NAP1L1: variants seen among roughly 807,000 people sequenced by gnomAD.
The protein encoded by NAP1L1 is nucleosome assembly protein 1-like 1.
In NAP1L1, 9 loss-of-function variants were observed where a neutral mutation model predicts 58.9. That is an observed-to-expected ratio of 0.15 (90% CI 0.09 to 0.27). The LOEUF is 0.27. Ranked by LOEUF, NAP1L1 falls within the 10% of genes least tolerant of loss-of-function variation. The pLI, the probability that NAP1L1 is intolerant of heterozygous loss-of-function variation, is 1.00. For synonymous variants in NAP1L1, 130 were observed against 138.3 expected, an observed-to-expected ratio of 0.94 and a Z score of 0.42; for missense variants, 302 against 458.8, an observed-to-expected ratio of 0.66 and a Z score of 3.12.
intron 4 of NAP1L1, among the ~76,000 whole-genome samples, chr12:76,065,243 T>G (rs562845003): frequency 6.6e-6 from 1 of 151,520 alleles, no homozygotes; most frequent in South Asian, 2.1e-4. Flanking sequence ...ATTGATACAG[T>G]TAAAAAAAAA....
At chr12:76,052,051 C>CTTCTATGATACTAAACAATGATACAAG in intron 11 of NAP1L1, among the ~76,000 whole-genome samples, 1 of 151,788 alleles carries the variant, frequency 6.6e-6, no homozygotes, top group East Asian at 1.9e-4. Flanking sequence ...AATAATCCCA[C>CTTCTATGATACTAAACAATGATACAAG]TTCTATGATA....
intron 11 of NAP1L1, among the ~76,000 whole-genome samples, chr12:76,051,002 GAA>G (rs57970257): frequency 1.3e-4 from 11 of 83,722 alleles, no homozygotes; most frequent in Non-Finnish European, 2.3e-4. Context: ...CTGGGCAACC[GAA>G]AAAAAAAAAA....
chr12:76,071,960 G>GA (rs59750917), intron 2 of NAP1L1, among the ~76,000 whole-genome samples: 21 of 144,732 alleles, frequency 1.5e-4, no homozygotes, highest in Non-Finnish European at 1.7e-4. Flanking sequence ...GACTAGCCCA[G>GA]AAAAAAAAAA....
At chr12:76,058,189 G>C in intron 6 of NAP1L1, 1 of 374,750 alleles carries the variant, frequency 2.7e-6, no homozygotes, top group Non-Finnish European at 4.8e-6. Context: ...AGGGAGAGAG[G>C]CCTACATATA....
In NAP1L1 at chr12:76,044,373, G is replaced by A. The variant is rs773835256; in HGVS notation, c.*4056C>T. The A allele has an allele frequency of 1.1e-4, 17 of 152,056 alleles. No homozygotes were observed. Among genetic ancestry groups the A allele is most frequent in the Non-Finnish European group, 2.2e-4 (15 of 68,022 alleles). 9.4% of individuals were successfully genotyped at this position (152,056 alleles called of 1,614,324 possible). On this transcript the variant is annotated 3_prime_UTR_variant, in exon 15 of 15. Coordinates refer to ENST00000618691, the MANE Select transcript of NAP1L1 (RefSeq NM_004537.7). ...TGCTTTTATGTAATATTTTATCCTG[G>A]GTTTCAAAATAATAAAACTCAGTTT...
chr12:76,056,685 T>TAA (rs34298638), intron 6 of NAP1L1: 12 of 421,406 alleles, frequency 2.8e-5, no homozygotes, highest in Admixed American at 5.7e-5. Context: ...ACCATGAAGT[T>TAA]AAAAAAAAAA....
rs937066461 is a variant in NAP1L1, at chr12:76,040,892, C to A, written c.*7537G>T. 2.6e-5 allele frequency: 4 copies of A among 152,206 alleles called. No individual in the cohort carries two copies. Among genetic ancestry groups the A allele is most frequent in the Admixed American group, 2.6e-4 (4 of 15,282 alleles). 9.4% of individuals were successfully genotyped at this position (152,206 alleles called of 1,614,324 possible). A position where few individuals can be genotyped will look rare whatever the true frequency, so the allele number is the denominator to read the frequency against. On this transcript the variant is annotated 3_prime_UTR_variant, in exon 15 of 15. Transcript: ENST00000618691. ...TATATTTCCGATTGCTTAACATTTT[C>A]TCTAGCTTACTTTTTACAGTATATA...
At chr12:76,078,330 T>C (rs1950276978) in intron 1 of NAP1L1, among the ~76,000 whole-genome samples, 1 of 152,118 alleles carries the variant, frequency 6.6e-6, no homozygotes, top group Admixed American at 6.5e-5. Flanking sequence ...CTCATCTGTA[T>C]TGCCCTCCAA....
chr12:76,076,175 T>C (rs1950162100), intron 1 of NAP1L1, among the ~76,000 whole-genome samples: 1 of 152,170 alleles, frequency 6.6e-6, no homozygotes, highest in Non-Finnish European at 1.5e-5. Flanking sequence ...TTTCAAAGTT[T>C]CACTCCCCAG....
At chr12:76,064,312 T>G (rs1473660581) in intron 4 of NAP1L1, among the ~76,000 whole-genome samples, 1 of 152,090 alleles carries the variant, frequency 6.6e-6, no homozygotes, top group Non-Finnish European at 1.5e-5. Flanking sequence ...TATTTCAATC[T>G]ACAAATGACA....
intron 4 of NAP1L1, among the ~76,000 whole-genome samples, chr12:76,063,115 T>C (rs1045896494): frequency 2.0e-5 from 3 of 152,178 alleles, no homozygotes; most frequent in African/African-American, 7.2e-5. Flanking sequence ...TCACTATATA[T>C]TACTAAAAGC....
rs11180820 is a variant in NAP1L1, at chr12:76,073,485, C to T, written c.17+718G>A. Among the ~76,000 whole-genome samples, 55 of 101,844 alleles carry T rather than the reference C, an allele frequency of 5.4e-4. No individual in the cohort carries two copies. In the East Asian group the frequency reaches 0.02, roughly 38 times the overall value. The allele number at this position is 101,844 out of a possible 152,430, so 66.8% of individuals were successfully genotyped here. ...CCAGGACACATGACCTTGCCCAATA[C>T]TTCTCCACAATAAGTCTTTTATAAA... On this transcript the variant is annotated intron_variant, in intron 2 of 14. Transcript: ENST00000618691.
intron 1 of NAP1L1, among the ~76,000 whole-genome samples, chr12:76,080,890 A>C (rs957938012): frequency 6.6e-6 from 1 of 152,114 alleles, no homozygotes; most frequent in African/African-American, 2.4e-5. Context: ...GTATTTCTTT[A>C]TAAATTACCC....
At chr12:76,050,834 T>A (rs1036672658) in intron 11 of NAP1L1, among the ~76,000 whole-genome samples, 181 bp from the exon 12 acceptor site, 3 of 151,930 alleles carry the variant, frequency 2.0e-5, no homozygotes, top group African/African-American at 7.3e-5. Flanking sequence ...AGCAACATAG[T>A]GAGACGCCCC....
In NAP1L1 at chr12:76,058,284, A is replaced by G. The variant is rs186281105; in HGVS notation, c.429+1514T>C. 9.1e-3 allele frequency among the ~76,000 whole-genome samples: 1,364 copies of G among 150,396 alleles called. 19 individuals are homozygous for G. The highest frequency in any genetic ancestry group is 0.031 in the African/African-American group (1,261 of 40,630). On this transcript the variant is annotated intron_variant, in intron 6 of 14. Transcript: ENST00000618691. ...CTTGGCATTTTCCCTGTTCTGTACAAGGCTGCTTATTTTTTTATTGCCAAA... is the reference window on the plus strand; with the variant it reads ...CTTGGCATTTTCCCTGTTCTGTACAGGGCTGCTTATTTTTTTATTGCCAAA...
chr12:76,041,919 T>A lies in NAP1L1; in HGVS notation c.*6510A>T, dbSNP rs1948554827. ...AAATATATAGCGATACCTCATTTCG[T>A]TTTACCCTAGATCATTTCTGGGTTC... On this transcript the variant is annotated 3_prime_UTR_variant, in exon 15 of 15. Coordinates refer to ENST00000618691, the MANE Select transcript of NAP1L1 (RefSeq NM_004537.7). The A allele has an allele frequency of 6.6e-6, 1 of 152,156 alleles. No individual in the cohort carries two copies. Among genetic ancestry groups the A allele is most frequent in the African/African-American group, 2.4e-5 (1 of 41,426 alleles). The allele number at this position is 152,156 out of a possible 1,614,324, so 9.4% of individuals were successfully genotyped here. A position where few individuals can be genotyped will look rare whatever the true frequency, so the allele number is the denominator to read the frequency against.
chr12:76,074,003 C>T (rs1241268328), intron 2 of NAP1L1, 200 bp downstream of exon 2: 3 of 483,202 alleles, frequency 6.2e-6, no homozygotes, highest in Non-Finnish European at 7.4e-6. Flanking sequence ...ACGATGGTTT[C>T]GAATATATGA....
Position 76,048,249 on chromosome 12 carries a change from G to GA in NAP1L1, c.*179dup. 1.7e-6 allele frequency: 1 copy of GA among 578,382 alleles called. No individual in the cohort carries two copies. Among genetic ancestry groups the GA allele is most frequent in the Non-Finnish European group, 3.0e-6 (1 of 336,388 alleles). 35.8% of individuals were successfully genotyped at this position (578,382 alleles called of 1,614,324 possible). A position where few individuals can be genotyped will look rare whatever the true frequency, so the allele number is the denominator to read the frequency against. ...ATTTGTGCATTCAACATAGCTGGCA[G>GA]AAAAACTAGTTAAAATGCTAGGTAG... On this transcript the variant is annotated 3_prime_UTR_variant, in exon 15 of 15. Coordinates refer to ENST00000618691, the MANE Select transcript of NAP1L1 (RefSeq NM_004537.7).
intron 7 of NAP1L1, 24 bp downstream of exon 7, chr12:76,056,009 T>C (rs1265939262): frequency 1.2e-6 from 2 of 1,609,264 alleles, no homozygotes; most frequent in Non-Finnish European, 1.7e-6. Flanking sequence ...CAAAGTAAAC[T>C]GGTACATTTA....
Sources: gnomAD v4.1 joint callset for allele counts (sites outside exome capture counted in the v4.1 genomes callset) on GRCh38, gnomAD v4.1.1 for gene constraint, MANE v1.5 for transcripts, NCBI Gene and HGNC (gene_info 2026-07-23, HGNC 2026-07-21) for gene names.